Variants in GLRA3 observed in about 807,000 individuals in gnomAD.
GLRA3 encodes glycine receptor alpha 3.
A neutral mutation model predicts 60.4 loss-of-function variants in GLRA3; 44 were observed. The observed-to-expected ratio is 0.73, with a 90% CI of 0.57 to 0.94. The LOEUF (loss-of-function observed/expected upper bound fraction) is 0.94. Among genes scored for constraint, GLRA3 ranks in the 40% least tolerant of loss-of-function variants. The pLI is 0.00. For missense variants in GLRA3, 508 were observed against 564.6 expected, an observed-to-expected ratio of 0.90 and a Z score of 1.02; for synonymous variants, 223 against 192.9, an observed-to-expected ratio of 1.16 and a Z score of -1.29.
intron 1 of GLRA3, among the ~76,000 whole-genome samples, chr4:174,828,145 A>G (rs996700262): frequency 6.6e-6 from 1 of 152,180 alleles, no homozygotes; most frequent in African/African-American, 2.4e-5. Context: ...TTATAATATT[A>G]CTTTACTCAA....
intron 9 of GLRA3, among the ~76,000 whole-genome samples, chr4:174,646,694 A>G (rs1732831657): frequency 6.6e-6 from 1 of 152,178 alleles, no homozygotes; most frequent in Admixed American, 6.5e-5. Context: ...AGCTCTTGAG[A>G]ACCTGCTGAG....
At chr4:174,672,470 T>C (rs1373251118) in intron 7 of GLRA3, among the ~76,000 whole-genome samples, 7 of 152,128 alleles carry the variant, frequency 4.6e-5, no homozygotes, top group African/African-American at 1.7e-4. Context: ...CTTGTATAAT[T>C]TGTGGAATGA....
chr4:174,693,332 G>A (rs997658220), intron 5 of GLRA3, among the ~76,000 whole-genome samples: 3 of 152,070 alleles, frequency 2.0e-5, no homozygotes, highest in Admixed American at 6.6e-5. Context: ...GTTGATTTTT[G>A]TATATGGTGT....
At chr4:174,677,324 G>A in intron 6 of GLRA3, 32 bp from the exon 7 acceptor site, 1 of 1,186,002 alleles carries the variant, frequency 8.4e-7, no homozygotes, top group South Asian at 1.2e-5. Context: ...ACAGCAATTA[G>A]TACAAATAGG....
intron 1 of GLRA3, among the ~76,000 whole-genome samples, chr4:174,807,930 G>T (rs1740114101): frequency 6.6e-6 from 1 of 152,044 alleles, no homozygotes; most frequent in African/African-American, 2.4e-5. Flanking sequence ...AATAGACCAA[G>T]AATCCTAGGA....
Position 174,722,615 on chromosome 4 carries a change from AACG to A in GLRA3, c.491+5857_491+5859del, listed in dbSNP as rs1315145341. 4.5e-5 allele frequency: 7 copies of A among 154,100 alleles called. No individual in the cohort carries two copies. In the East Asian group the frequency reaches 1.4e-3, roughly 30 times the overall value. 9.5% of individuals were successfully genotyped at this position (154,100 alleles called of 1,614,324 possible). A position where few individuals can be genotyped will look rare whatever the true frequency, so the allele number is the denominator to read the frequency against. On this transcript the variant is annotated intron_variant, in intron 4 of 9. Transcript: ENST00000274093. ...CATTACTTTCATCCTCCTGTGTGTTAACGACATTTTTATTCTTTATTCCGTTTA... is the reference window on the plus strand; with the variant it reads ...CATTACTTTCATCCTCCTGTGTGTTAACATTTTTATTCTTTATTCCGTTTA...
intron 3 of GLRA3, among the ~76,000 whole-genome samples, chr4:174,765,334 G>T (rs1738098124): frequency 6.6e-6 from 1 of 152,012 alleles, no homozygotes; most frequent in South Asian, 2.1e-4. Context: ...AAGGAAATCT[G>T]CCTATGCCCT....
At chr4:174,807,181 T>A (rs1004682399) in intron 1 of GLRA3, among the ~76,000 whole-genome samples, 2 of 152,022 alleles carry the variant, frequency 1.3e-5, no homozygotes, top group Non-Finnish European at 2.9e-5. Flanking sequence ...GTTGTAGCAA[T>A]AATCAATCTA....
intron 1 of GLRA3, among the ~76,000 whole-genome samples, chr4:174,797,410 T>C (rs73868088): frequency 0.01 from 1,524 of 152,308 alleles, 31 homozygotes; most frequent in African/African-American, 0.035. Context: ...TTCTTTTCTG[T>C]GCTGCACCAA....
At chr4:174,693,870 T>G (rs986780286) in intron 5 of GLRA3, among the ~76,000 whole-genome samples, 1 of 151,928 alleles carries the variant, frequency 6.6e-6, no homozygotes, top group African/African-American at 2.4e-5. Context: ...CACCCACTGC[T>G]CAAAGTACAG....
At chr4:174,657,732 G>T (rs13138904) in intron 8 of GLRA3, among the ~76,000 whole-genome samples, 1 of 152,086 alleles carries the variant, frequency 6.6e-6, no homozygotes, top group African/African-American at 2.4e-5. Context: ...GTAGACCAGG[G>T]TGAGGTGAGG....
rs1739223037 is a variant in GLRA3 at position 174,788,900 on chromosome 4, C to A, written c.115G>T (p.Ala39Ser). 1 of 1,607,468 alleles carries A rather than the reference C, an allele frequency of 6.2e-7. No individual in the cohort carries two copies. The highest frequency in any genetic ancestry group is 1.3e-5 in the African/African-American group (1 of 74,674). ...KETDSARSRS[A>S]PMSPSDFLDK... ...AGAAAATCAGAAGGTGACATTGGAG[C>A]ACTTCGAGATCTTGCACTGTCTGTT... Residue 39 changes from alanine to serine, a missense_variant, in exon 2 of 10, where the codon GCT becomes TCT. Transcript: ENST00000274093.
At chr4:174,791,015 A>AT (rs1739325767) in intron 1 of GLRA3, among the ~76,000 whole-genome samples, 1 of 151,408 alleles carries the variant, frequency 6.6e-6, no homozygotes, top group African/African-American at 2.4e-5. Flanking sequence ...AAAAAAAAAA[A>AT]AAAATACTAG....
intron 1 of GLRA3, among the ~76,000 whole-genome samples, chr4:174,825,659 A>G (rs192160721): frequency 1.8e-4 from 27 of 152,236 alleles, no homozygotes; most frequent in African/African-American, 6.3e-4. Context: ...TATTTTATTA[A>G]TATGATAACT....
intron 2 of GLRA3, among the ~76,000 whole-genome samples, chr4:174,776,710 C>A (rs989437079): frequency 6.6e-6 from 1 of 152,098 alleles, no homozygotes. Flanking sequence ...CGCTGCTTTT[C>A]ATCATTGACA....
intron 1 of GLRA3, among the ~76,000 whole-genome samples, chr4:174,797,670 C>T (rs1739624599): frequency 6.6e-6 from 1 of 152,054 alleles, no homozygotes; most frequent in African/African-American, 2.4e-5. Context: ...TGCATTGGCT[C>T]ACACCTGTAA....
Position 174,641,509 on chromosome 4 carries a change from A to G in GLRA3, c.*2277T>C, listed in dbSNP as rs2110828661. ...ATTTTCTTAGTGCAGTAAGACAGTG[A>G]CAAATATAATAGGAAAGGAAAACTA... is the stretch of plus-strand genomic sequence containing the variant. On this transcript the variant is annotated 3_prime_UTR_variant, in exon 10 of 10. Transcript: ENST00000274093. 6.6e-6 allele frequency: 1 copy of G among 152,204 alleles called. No individual in the cohort carries two copies. Among genetic ancestry groups the G allele is most frequent in the Admixed American group, 6.6e-5 (1 of 15,260 alleles). The allele number at this position is 152,204 out of a possible 1,614,324, so 9.4% of individuals were successfully genotyped here. A position where few individuals can be genotyped will look rare whatever the true frequency, so the allele number is the denominator to read the frequency against.
chr4:174,710,603 C>T (rs993056907), intron 5 of GLRA3, among the ~76,000 whole-genome samples: 3 of 152,050 alleles, frequency 2.0e-5, no homozygotes, highest in African/African-American at 4.8e-5. Context: ...TAGCTCTTTA[C>T]GCGGACGTTT....
At chr4:174,731,353 A>C (rs1032009098) in intron 3 of GLRA3, among the ~76,000 whole-genome samples, 2 of 152,198 alleles carry the variant, frequency 1.3e-5, no homozygotes, top group African/African-American at 4.8e-5. Context: ...GTAAACGGAC[A>C]GTCAAAATAG....
Sources: gnomAD v4.1 joint callset for allele counts (sites outside exome capture counted in the v4.1 genomes callset) on GRCh38, gnomAD v4.1.1 for gene constraint, MANE v1.5 for transcripts, NCBI Gene and HGNC (gene_info 2026-07-23, HGNC 2026-07-21) for gene names.